SMOC2: variants seen among roughly 807,000 people sequenced by gnomAD.
SMOC2 encodes SPARC-related modular calcium-binding protein 2.
In SMOC2, 39 loss-of-function variants were observed where a neutral mutation model predicts 61.4. That is an observed-to-expected ratio of 0.64 (90% CI 0.49 to 0.83). The LOEUF (loss-of-function observed/expected upper bound fraction) is 0.83, where lower values mean the gene tolerates loss of function less well. Among genes scored for constraint, SMOC2 ranks in the 40% least tolerant of loss-of-function variants. The probability of loss-of-function intolerance (pLI) is 0.00; values close to 1 mark genes in which losing one functional copy is unlikely to be tolerated. For synonymous variants in SMOC2, 247 were observed against 239.9 expected (o/e 1.03, Z -0.27); for missense variants, 556 against 592.9 (o/e 0.94, Z 0.65).
intron 1 of SMOC2, among the ~76,000 whole-genome samples, chr6:168,454,351 T>A (rs538054867): frequency 1.6e-4 from 25 of 152,292 alleles, no homozygotes; most frequent in African/African-American, 6.0e-4. Flanking sequence ...AGCCGAAATC[T>A]AACTGGGCTT....
At chr6:168,551,053 A>G (rs983238208) in intron 7 of SMOC2, among the ~76,000 whole-genome samples, 1 of 152,182 alleles carries the variant, frequency 6.6e-6, no homozygotes, top group East Asian at 1.9e-4. Context: ...TAATTGAATC[A>G]TGAGGGCGGT....
intron 4 of SMOC2, among the ~76,000 whole-genome samples, chr6:168,530,093 C>G (rs879562416): frequency 6.6e-6 from 1 of 152,138 alleles, no homozygotes; most frequent in Admixed American, 6.5e-5. Flanking sequence ...GAAGCAGACT[C>G]TATAAAAATT....
In SMOC2 at chr6:168,506,030, A is replaced by G. The variant is rs1196941114; in HGVS notation, c.85-3885A>G. Among the ~76,000 whole-genome samples, 4 of 150,332 alleles carry G rather than the reference A, an allele frequency of 2.7e-5. No homozygotes were observed. In the East Asian group the frequency reaches 5.8e-4, roughly 22 times the overall value. ...TTTTGAGAATTTTTTTTTTTTTGAG[A>G]CAAGGTCTCACTTGCCCAGGCTGAA... On this transcript the variant is annotated intron_variant, in intron 1 of 12. Transcript: ENST00000356284.
At chr6:168,625,089 C>T (rs1045220623) in intron 9 of SMOC2, among the ~76,000 whole-genome samples, 1 of 152,212 alleles carries the variant, frequency 6.6e-6, no homozygotes. Flanking sequence ...GAAGCGCCGC[C>T]CCCGCCCTTC....
intron 7 of SMOC2, among the ~76,000 whole-genome samples, chr6:168,554,421 G>A (rs1258412560): frequency 6.6e-6 from 1 of 152,228 alleles, no homozygotes; most frequent in Non-Finnish European, 1.5e-5. Flanking sequence ...AGAAGCTTCT[G>A]TTAAGCTTCT....
At chr6:168,653,773 C>T (rs2115277806) in intron 11 of SMOC2, among the ~76,000 whole-genome samples, 1 of 148,850 alleles carries the variant, frequency 6.7e-6, no homozygotes, top group Admixed American at 6.6e-5. Context: ...CTCACCAACC[C>T]TGTACCTGAG....
At chr6:168,445,229 T>A (rs1392798340) in intron 1 of SMOC2, among the ~76,000 whole-genome samples, 1 of 152,218 alleles carries the variant, frequency 6.6e-6, no homozygotes, top group Non-Finnish European at 1.5e-5. Flanking sequence ...CTTCAGGAAC[T>A]TTACAATTCC....
intron 1 of SMOC2, among the ~76,000 whole-genome samples, chr6:168,505,078 T>A (rs1782835122): frequency 6.6e-6 from 1 of 151,144 alleles, no homozygotes; most frequent in South Asian, 2.1e-4. Context: ...ATCTCTCAGA[T>A]GCCAGGTGAA....
intron 2 of SMOC2, among the ~76,000 whole-genome samples, chr6:168,521,615 G>T (rs770059007): frequency 6.6e-6 from 1 of 152,198 alleles, no homozygotes; most frequent in Non-Finnish European, 1.5e-5. Context: ...AGGGCTAGGC[G>T]TGGGGGCTCA....
In SMOC2 at chr6:168,664,382, ATCTT is replaced by A. The variant is rs1170359013; in HGVS notation, c.1323+273_1323+276del. ...ATTTCTGAGTTTCCTTGTTTGGTAG[ATCTT>A]TTTTTTTTTTTTTTTTTTTTTTTTT... On this transcript the variant is annotated intron_variant, in intron 12 of 12. Coordinates refer to ENST00000356284, the MANE Select transcript of SMOC2 (RefSeq NM_001166412.2). 7.1e-4 allele frequency: 214 copies of A among 302,656 alleles called. 2 individuals are homozygous for A. The highest frequency in any genetic ancestry group is 4.1e-3 in the African/African-American group (94 of 23,164). 18.7% of individuals were successfully genotyped at this position (302,656 alleles called of 1,614,324 possible). A position where few individuals can be genotyped will look rare whatever the true frequency, so the allele number is the denominator to read the frequency against.
chr6:168,583,461 C>T (rs796211852), intron 7 of SMOC2, among the ~76,000 whole-genome samples: 5 of 152,348 alleles, frequency 3.3e-5, no homozygotes, highest in African/African-American at 9.6e-5. Flanking sequence ...AGCAGATGAA[C>T]GCACAATGTC....
intron 7 of SMOC2, among the ~76,000 whole-genome samples, chr6:168,574,923 G>A (rs1784761225): frequency 6.6e-6 from 1 of 152,174 alleles, no homozygotes; most frequent in African/African-American, 2.4e-5. Flanking sequence ...CTTCGTGCCG[G>A]GGTGCGGGGG....
rs866082739 is a variant in SMOC2, at chr6:168,652,060, T to A, written c.1011-894T>A. 3.0e-4 allele frequency among the ~76,000 whole-genome samples: 43 copies of A among 143,610 alleles called. No homozygotes were observed. In the Middle Eastern group the frequency reaches 0.011, roughly 35 times the overall value. 94.2% of individuals were successfully genotyped at this position (143,610 alleles called of 152,430 possible). The stretch of plus-strand genomic sequence containing the variant: ...CTGTCTCAAAAAAAAAAAAAAAAAA[T>A]TTTAATAGAGTCAAACTGTATGTAA... On this transcript the variant is annotated intron_variant, in intron 10 of 12. Coordinates refer to ENST00000356284, the MANE Select transcript of SMOC2 (RefSeq NM_001166412.2).
intron 9 of SMOC2, among the ~76,000 whole-genome samples, chr6:168,609,862 C>G (rs1391492660): frequency 1.3e-5 from 2 of 152,128 alleles, no homozygotes; most frequent in East Asian, 3.9e-4. Context: ...CTAAGCCAAG[C>G]TGCACTGTGG....
intron 1 of SMOC2, among the ~76,000 whole-genome samples, chr6:168,502,876 C>G (rs1300640767): frequency 6.6e-6 from 1 of 151,750 alleles, no homozygotes; most frequent in Non-Finnish European, 1.5e-5. Context: ...AAGCGATTAT[C>G]CTGCCTCAGC....
intron 4 of SMOC2, among the ~76,000 whole-genome samples, chr6:168,541,345 C>A (rs996124750): frequency 6.6e-6 from 1 of 152,216 alleles, no homozygotes; most frequent in Non-Finnish European, 1.5e-5. Context: ...CAAAGGTGTT[C>A]ACTGTCTGCA....
intron 7 of SMOC2, among the ~76,000 whole-genome samples, chr6:168,555,780 G>A (rs1466374263): frequency 1.3e-5 from 2 of 152,154 alleles, no homozygotes; most frequent in Non-Finnish European, 2.9e-5. Flanking sequence ...TAGAGGAAGG[G>A]TAGAGGACCG....
chr6:168,510,188 C>T lies in SMOC2; in HGVS notation c.256+102C>T, dbSNP rs530628476. 34 of 1,227,796 alleles carry T rather than the reference C, an allele frequency of 2.8e-5. No homozygotes were observed. The Middle Eastern group carries it at 1.0e-3, about 37-fold the overall frequency. The allele number at this position is 1,227,796 out of a possible 1,614,324, so 76.1% of individuals were successfully genotyped here. On this transcript the variant is annotated intron_variant, in intron 2 of 12. Coordinates refer to ENST00000356284, the MANE Select transcript of SMOC2 (RefSeq NM_001166412.2). ...TGATAACTTTTTACATTTACAAACT[C>T]GGGTTTATGTTGGCTCTTTTTTTAC...
At chr6:168,549,424 C>T (rs1382585908) in intron 7 of SMOC2, among the ~76,000 whole-genome samples, 3 of 152,014 alleles carry the variant, frequency 2.0e-5, no homozygotes, top group African/African-American at 4.8e-5. Context: ...AGTTAGTTAA[C>T]ACATAGTTTG....
Sources: allele counts gnomAD v4.1 joint callset (sites outside exome capture counted in the v4.1 genomes callset), GRCh38; gene constraint gnomAD v4.1.1; transcripts MANE v1.5; gene names NCBI Gene and HGNC (gene_info 2026-07-23, HGNC 2026-07-21).